NMNAT2: variants seen among roughly 807,000 people sequenced by gnomAD.
The protein encoded by NMNAT2 is nicotinamide/nicotinic acid mononucleotide adenylyltransferase 2.
In NMNAT2, 11 loss-of-function variants were observed where a neutral mutation model predicts 41.6. The observed-to-expected ratio is 0.26, with a 90% CI of 0.17 to 0.44. NMNAT2 has a LOEUF of 0.44. Among genes scored for constraint, NMNAT2 ranks in the 20% least tolerant of loss-of-function variants. NMNAT2 has a pLI of 1.00. For synonymous variants in NMNAT2, 148 were observed against 151.2 expected, an observed-to-expected ratio of 0.98 and a Z score of 0.16; for missense variants, 288 against 407.7, an observed-to-expected ratio of 0.71 and a Z score of 2.53.
At chr1:183,275,214 C>G (rs891554806) in intron 8 of NMNAT2, among the ~76,000 whole-genome samples, 9 of 152,148 alleles carry the variant, frequency 5.9e-5, no homozygotes, top group Non-Finnish European at 8.8e-5. Flanking sequence ...TAAAATTACC[C>G]TGTGGGATAG....
At chr1:183,260,819 C>CAA (rs35660466) in intron 10 of NMNAT2, among the ~76,000 whole-genome samples, 183 bp downstream of exon 10, 1,182 of 74,290 alleles carry the variant, frequency 0.016, 38 homozygotes, top group African/African-American at 0.057. Flanking sequence ...GACGCTGTCT[C>CAA]AAAAAAAAAA....
At chr1:183,259,724 C>T (rs946689427) in intron 10 of NMNAT2, among the ~76,000 whole-genome samples, 1 of 152,082 alleles carries the variant, frequency 6.6e-6, no homozygotes, top group African/African-American at 2.4e-5. Flanking sequence ...CTCAGTCTCC[C>T]GAGTAGCTGG....
intron 7 of NMNAT2, among the ~76,000 whole-genome samples, chr1:183,279,175 T>C (rs1286793143): frequency 6.6e-6 from 1 of 152,166 alleles, no homozygotes; most frequent in African/African-American, 2.4e-5. Flanking sequence ...GCAAAGGGCT[T>C]GAGAAGCAAG....
intron 1 of NMNAT2, among the ~76,000 whole-genome samples, chr1:183,293,996 G>A (rs1239185679): frequency 6.6e-6 from 1 of 152,130 alleles, no homozygotes; most frequent in Non-Finnish European, 1.5e-5. Flanking sequence ...AAAGCAAAAG[G>A]ATTTAGAACT....
chr1:183,341,725 C>CAAAAAAAAAAAAAAAAAAAGAAAAA (rs1662811758), intron 1 of NMNAT2, among the ~76,000 whole-genome samples: 1 of 22,210 alleles, frequency 4.5e-5, no homozygotes, highest in Non-Finnish European at 8.1e-5. Context: ...AAACAAACAC[C>CAAAAAAAAAAAAAAAAAAAGAAAAA]AAAAAAAAAA....
intron 10 of NMNAT2, among the ~76,000 whole-genome samples, chr1:183,257,983 G>T (rs1171947463): frequency 6.6e-6 from 1 of 152,050 alleles, no homozygotes; most frequent in Non-Finnish European, 1.5e-5. Flanking sequence ...AGCAATTATT[G>T]TTAGAAGCTT....
chr1:183,412,154 G>A (rs1478452011), intron 1 of NMNAT2, among the ~76,000 whole-genome samples: 1 of 152,224 alleles, frequency 6.6e-6, no homozygotes, highest in Non-Finnish European at 1.5e-5. Flanking sequence ...AGCTCTGGAG[G>A]ATTTGGAGCA....
rs1571650020 is a variant in NMNAT2, at chr1:183,418,339, A to G, written c.-72T>C. ...TGTGTCTCGTTGTGTCTGCAGAGGG[A>G]GAAAGGAAGGCGAGGCTCCGGCGGT... On this transcript the variant is annotated 5_prime_UTR_variant, in exon 1 of 11. Transcript: ENST00000287713. 2.1e-6 allele frequency: 3 copies of G among 1,460,672 alleles called. No individual in the cohort carries two copies. Among genetic ancestry groups the G allele is most frequent in the African/African-American group, 1.4e-5 (1 of 71,584 alleles). 90.5% of individuals were successfully genotyped at this position (1,460,672 alleles called of 1,614,324 possible). A position where few individuals can be genotyped will look rare whatever the true frequency, so the allele number is the denominator to read the frequency against.
rs573690102 is a variant in NMNAT2 at position 183,337,849 on chromosome 1, C to T, written c.86-44056G>A. On this transcript the variant is annotated intron_variant, in intron 1 of 10. Transcript: ENST00000287713. The stretch of plus-strand genomic sequence containing the variant: ...ATGATTCTAGATGTCACAAACCTGG[C>T]TTCTTTGTAGAGAGAGGCCTGTGCT... Among the ~76,000 whole-genome samples the T allele has an allele frequency of 7.2e-5, 11 of 152,246 alleles. No homozygotes were observed. In the South Asian group the frequency reaches 2.3e-3, roughly 32 times the overall value.
At chr1:183,304,012 T>C (rs1008474863) in intron 1 of NMNAT2, among the ~76,000 whole-genome samples, 5 of 152,242 alleles carry the variant, frequency 3.3e-5, no homozygotes, top group African/African-American at 9.6e-5. Context: ...CACAATGCCC[T>C]CTCTCTGCCC....
chr1:183,281,784 G>A (rs1377777761), intron 7 of NMNAT2, among the ~76,000 whole-genome samples: 1 of 152,218 alleles, frequency 6.6e-6, no homozygotes, highest in Non-Finnish European at 1.5e-5. Context: ...GTCAACAGAC[G>A]CTAATGGAGC....
chr1:183,408,938 T>C (rs1174914560), intron 1 of NMNAT2, among the ~76,000 whole-genome samples: 4 of 152,236 alleles, frequency 2.6e-5, no homozygotes, highest in Non-Finnish European at 5.9e-5. Flanking sequence ...TAAATATTTA[T>C]CCACACATAA....
intron 1 of NMNAT2, among the ~76,000 whole-genome samples, chr1:183,354,489 G>C (rs1663139784): frequency 7.6e-6 from 1 of 132,212 alleles, no homozygotes; most frequent in Admixed American, 9.1e-5. Flanking sequence ...ATGGCTCACT[G>C]TAGCCTTGAC....
intron 1 of NMNAT2, among the ~76,000 whole-genome samples, chr1:183,357,540 A>C (rs1213487359): frequency 2.0e-5 from 3 of 152,090 alleles, no homozygotes; most frequent in Non-Finnish European, 4.4e-5. Context: ...AGAGATATCA[A>C]ATTCAATAGA....
At chr1:183,285,318 C>T (rs946514687) in intron 5 of NMNAT2, among the ~76,000 whole-genome samples, 2 of 152,196 alleles carry the variant, frequency 1.3e-5, no homozygotes, top group Non-Finnish European at 2.9e-5. Flanking sequence ...TTAGCTGCTC[C>T]TCCCACTGGG....
intron 1 of NMNAT2, among the ~76,000 whole-genome samples, chr1:183,295,048 G>C (rs1358410553): frequency 6.6e-6 from 1 of 152,098 alleles, no homozygotes; most frequent in Non-Finnish European, 1.5e-5. Context: ...CTGTCACTTA[G>C]GCTGCAGTGC....
chr1:183,259,416 T>C (rs1476239727), intron 10 of NMNAT2, among the ~76,000 whole-genome samples: 1 of 152,248 alleles, frequency 6.6e-6, no homozygotes. Flanking sequence ...CTCTGAAAGA[T>C]GTGACACAGA....
At chr1:183,301,381 A>T (rs1661848459) in intron 1 of NMNAT2, among the ~76,000 whole-genome samples, 1 of 152,222 alleles carries the variant, frequency 6.6e-6, no homozygotes, top group South Asian at 2.1e-4. Flanking sequence ...TGACAAGGGC[A>T]TTTCTGCACA....
intron 1 of NMNAT2, among the ~76,000 whole-genome samples, chr1:183,367,548 C>T (rs1663440029): frequency 1.3e-5 from 2 of 152,154 alleles, no homozygotes. Context: ...TCAGACATAA[C>T]TATTTGAAAT....
Sources: gnomAD v4.1 joint callset for allele counts (sites outside exome capture counted in the v4.1 genomes callset) on GRCh38, gnomAD v4.1.1 for gene constraint, MANE v1.5 for transcripts, NCBI Gene and HGNC (gene_info 2026-07-23, HGNC 2026-07-21) for gene names.